MLIP: variants seen among roughly 807,000 people sequenced by gnomAD.
MLIP encodes muscular LMNA-interacting protein.
MLIP carries 79 observed loss-of-function variants against 84.8 expected under a neutral mutation model. The ratio of observed to expected loss-of-function variants is 0.93; its 90% CI spans 0.78 to 1.12. The LOEUF (loss-of-function observed/expected upper bound fraction) is 1.12. MLIP is among the 50% of genes most tolerant of loss of function. The pLI is 0.00. For missense variants in MLIP, 1,257 were observed against 1,160.6 expected, an observed-to-expected ratio of 1.08 and a Z score of -1.21; for synonymous variants, 504 against 463.0, an observed-to-expected ratio of 1.09 and a Z score of -1.14.
chr6:54,251,951 ATATAAATAT>A (rs1782588395), intron 12 of MLIP, among the ~76,000 whole-genome samples: 1 of 76,594 alleles, frequency 1.3e-5, no homozygotes, highest in Admixed American at 2.3e-4. Context: ...ATAATATATA[ATATAAATAT>A]ATATATTATA....
chr6:54,142,175 A>G (rs1179419985), intron 4 of MLIP, among the ~76,000 whole-genome samples: 2 of 152,212 alleles, frequency 1.3e-5, no homozygotes, highest in African/African-American at 2.4e-5. Context: ...ATAAATATGT[A>G]TTGATTACCT....
intron 5 of MLIP, among the ~76,000 whole-genome samples, chr6:54,151,578 A>G (rs1323162569): frequency 6.6e-6 from 1 of 152,138 alleles, no homozygotes; most frequent in Admixed American, 6.6e-5. Context: ...CACACAGAAC[A>G]CCACAATTCA....
At chr6:54,167,816 T>C (rs1150885) in intron 8 of MLIP, among the ~76,000 whole-genome samples, 143,100 of 151,852 alleles carry the variant, frequency 0.94, 68,008 homozygotes, top group East Asian at 1. Context: ...TGATTTGATA[T>C]CAGGCTGAAG....
Position 54,257,292 on chromosome 6 carries a change from C to T in MLIP, c.2923-16C>T. 1 of 1,603,640 alleles carries T rather than the reference C, an allele frequency of 6.2e-7. No individual in the cohort carries two copies. Among genetic ancestry groups the T allele is most frequent in the Non-Finnish European group, 8.5e-7 (1 of 1,172,282 alleles). Reference sequence around the variant, plus strand: ...CTTCTACTCCTGATCATATCCTGGGCATCTTTTCTGTGAAGCTGAGTCATC... The same window carrying T: ...CTTCTACTCCTGATCATATCCTGGGTATCTTTTCTGTGAAGCTGAGTCATC... On this transcript the variant is annotated splice_polypyrimidine_tract_variant and intron_variant, in intron 12 of 13. Transcript: ENST00000502396.
At chr6:54,225,082 T>C (rs1010144549) in intron 11 of MLIP, among the ~76,000 whole-genome samples, 1 of 152,196 alleles carries the variant, frequency 6.6e-6, no homozygotes, top group Admixed American at 6.5e-5. Flanking sequence ...AATAATGACT[T>C]CTTTTCCTCT....
intron 10 of MLIP, among the ~76,000 whole-genome samples, chr6:54,195,193 T>C (rs1219810875): frequency 1.3e-5 from 2 of 152,034 alleles, no homozygotes; most frequent in Admixed American, 1.3e-4. Context: ...TTTCACAAAC[T>C]CTTTGAGCCC....
At chr6:54,215,726 T>G (rs949508708) in intron 11 of MLIP, 4 of 152,448 alleles carry the variant, frequency 2.6e-5, no homozygotes, top group African/African-American at 9.6e-5. Flanking sequence ...ACTTATTCCT[T>G]TGATAACTGA....
At position 54,022,223 on chromosome 6, in the gene MLIP, T is replaced by A. The variant is rs895831064; in HGVS notation, c.63+3132T>A. 9.8e-5 allele frequency among the ~76,000 whole-genome samples: 15 copies of A among 152,314 alleles called. 2 individuals carry two copies. Among genetic ancestry groups the A allele is most frequent in the African/African-American group, 3.6e-4 (15 of 41,584 alleles). Reference sequence around the variant, plus strand: ...GCAGGAAATGCACTATACAACACATTTCCCCTTGGAGACTCGTATCTGTAT... The same window carrying A: ...GCAGGAAATGCACTATACAACACATATCCCCTTGGAGACTCGTATCTGTAT... On this transcript the variant is annotated intron_variant, in intron 1 of 12. Coordinates refer to the MLIP transcript ENST00000274897.
intron 9 of MLIP, among the ~76,000 whole-genome samples, chr6:54,188,165 A>G (rs1777579430): frequency 6.6e-6 from 1 of 152,184 alleles, no homozygotes; most frequent in Admixed American, 6.5e-5. Flanking sequence ...GCAGGACTGG[A>G]GGTTTCTCTG....
intron 2 of MLIP, among the ~76,000 whole-genome samples, chr6:54,123,757 C>T (rs964536443): frequency 2.5e-4 from 38 of 152,170 alleles, no homozygotes; most frequent in African/African-American, 8.4e-4. Context: ...CTTTTAAACA[C>T]AATCTCAGTA....
At chr6:54,081,138 T>G (rs552222134) in intron 1 of MLIP, among the ~76,000 whole-genome samples, 103 of 152,290 alleles carry the variant, frequency 6.8e-4, no homozygotes, top group African/African-American at 2.3e-3. Flanking sequence ...CTGACACTGA[T>G]GCCTCATTCT....
chr6:54,143,156 T>C (rs554718770), intron 4 of MLIP, among the ~76,000 whole-genome samples: 2 of 152,030 alleles, frequency 1.3e-5, no homozygotes, highest in African/African-American at 4.8e-5. Context: ...CGCACTCAGG[T>C]GTTCAATGAT....
At chr6:54,077,127 T>C (rs980162001) in intron 1 of MLIP, among the ~76,000 whole-genome samples, 1 of 152,200 alleles carries the variant, frequency 6.6e-6, no homozygotes, top group Non-Finnish European at 1.5e-5. Flanking sequence ...TATATCTCTC[T>C]GCTATACAAA....
chr6:54,251,754 A>G (rs1212186331), intron 12 of MLIP, among the ~76,000 whole-genome samples: 1 of 100,430 alleles, frequency 1.0e-5, no homozygotes, highest in Non-Finnish European at 1.7e-5. Flanking sequence ...AATAGCATAT[A>G]ATATATAATA....
intron 4 of MLIP, among the ~76,000 whole-genome samples, chr6:54,148,336 C>T (rs1054471685): frequency 1.6e-4 from 24 of 152,144 alleles, no homozygotes; most frequent in Middle Eastern, 3.2e-3. Context: ...ACCCATCTCC[C>T]TCAGATATTC....
intron 12 of MLIP, among the ~76,000 whole-genome samples, chr6:54,252,273 ATATAAC>A (rs1782664687): frequency 8.9e-6 from 1 of 112,966 alleles, no homozygotes; most frequent in Non-Finnish European, 1.6e-5. Context: ...ATAATATATA[ATATAAC>A]TATAATATAT....
chr6:54,190,950 C>T (rs1242884930), intron 10 of MLIP, among the ~76,000 whole-genome samples: 2 of 151,790 alleles, frequency 1.3e-5, no homozygotes, highest in African/African-American at 2.4e-5. Flanking sequence ...CGCCCGCCAC[C>T]GAGCCCGGCT....
chr6:54,242,705 T>C, intron 12 of MLIP, among the ~76,000 whole-genome samples: 1 of 152,298 alleles, frequency 6.6e-6, no homozygotes, highest in South Asian at 2.1e-4. Flanking sequence ...TATTTAAATC[T>C]AAAGATGTGA....
intron 11 of MLIP, among the ~76,000 whole-genome samples, chr6:54,219,931 G>A (rs1035644708): frequency 6.6e-6 from 1 of 151,888 alleles, no homozygotes; most frequent in Non-Finnish European, 1.5e-5. Context: ...TATTTTTAAC[G>A]AAAATAGCCA....
Sources: allele counts gnomAD v4.1 joint callset (sites outside exome capture counted in the v4.1 genomes callset), GRCh38; gene constraint gnomAD v4.1.1; transcripts MANE v1.5; gene names NCBI Gene and HGNC (gene_info 2026-07-23, HGNC 2026-07-21).